The following CDH18 variants were observed in gnomAD, a reference collection of about 807,000 sequenced individuals.
The protein encoded by CDH18 is cadherin 18, also known as cadherin-18.
CDH18 carries 31 observed loss-of-function variants against 67.9 expected under a neutral mutation model. The observed-to-expected ratio is 0.46, with a 90% CI of 0.34 to 0.62. The LOEUF is 0.62. CDH18 is among the 20% of genes least tolerant of loss of function. The pLI, the probability that CDH18 is intolerant of heterozygous loss-of-function variation, is 0.01. For synonymous variants in CDH18, 362 were observed against 347.2 expected (o/e 1.04, Z -0.48); for missense variants, 890 against 975.5 (o/e 0.91, Z 1.17).
In CDH18 at chr5:20,420,635, G is replaced by T. The variant is rs1240912183; in HGVS notation, c.-580+154827C>A. 6.6e-5 allele frequency among the ~76,000 whole-genome samples: 10 copies of T among 150,898 alleles called. 1 individual carries two copies. The highest frequency in any genetic ancestry group is 1.7e-4 in the African/African-American group (7 of 40,376). On this transcript the variant is annotated intron_variant, in intron 1 of 14. Coordinates refer to the CDH18 transcript ENST00000507958. ...TAAAGTTTCAAAAGACATAAATAAG[G>T]TCTTTTGTATTTTGCCCTAGTCCTA...
chr5:20,055,990 C>CTTTTTTTTT (rs34736791), intron 2 of CDH18, among the ~76,000 whole-genome samples: 19 of 73,806 alleles, frequency 2.6e-4, no homozygotes, highest in East Asian at 4.0e-4. Flanking sequence ...TTTTGGTTTC[C>CTTTTTTTTT]TTTTTTTTTT....
intron 2 of CDH18, among the ~76,000 whole-genome samples, chr5:20,230,253 AATCACATATGTGGTC>A (rs2126496643): frequency 6.6e-6 from 1 of 152,264 alleles, no homozygotes; most frequent in East Asian, 1.9e-4. Context: ...GGAATCAGGG[AATCACATATGTGGTC>A]ATCCACTAAG....
At position 20,041,787 on chromosome 5, in the gene CDH18, T is replaced by G. The variant is rs143695245; in HGVS notation, c.-517-49773A>C. Among the ~76,000 whole-genome samples the G allele has an allele frequency of 7.7e-3, 1,176 of 152,312 alleles. 21 individuals carry two copies. The highest frequency in any genetic ancestry group is 0.027 in the African/African-American group (1,116 of 41,572). On this transcript the variant is annotated intron_variant, in intron 2 of 14. Coordinates refer to the CDH18 transcript ENST00000507958. ...ATATTCTTTCTGATGAGTCAGCAGT[T>G]GCAATGCCAGTACATTAAACAGCAT...
chr5:20,132,372 T>C (rs1357476630), intron 2 of CDH18, among the ~76,000 whole-genome samples: 1 of 152,164 alleles, frequency 6.6e-6, no homozygotes, highest in Non-Finnish European at 1.5e-5. Flanking sequence ...TTCCTATATT[T>C]ATCAGTTTTC....
chr5:20,224,018 T>C (rs1741423765), intron 2 of CDH18, among the ~76,000 whole-genome samples: 1 of 152,184 alleles, frequency 6.6e-6, no homozygotes, highest in African/African-American at 2.4e-5. Context: ...GAATTGCTTC[T>C]CTTTTTATAT....
chr5:20,065,749 T>C (rs924691352), intron 2 of CDH18, among the ~76,000 whole-genome samples: 16 of 152,122 alleles, frequency 1.1e-4, no homozygotes, highest in Admixed American at 9.2e-4. Context: ...AATATTTGTA[T>C]AGGTATCAAA....
chr5:19,992,633 C>T (rs1164667126), upstream of CDH18, among the ~76,000 whole-genome samples: 4 of 151,942 alleles, frequency 2.6e-5, no homozygotes, highest in East Asian at 2.0e-4. Flanking sequence ...CTTATTAAAG[C>T]GATGAACAGA....
intron 2 of CDH18, among the ~76,000 whole-genome samples, chr5:20,044,786 C>T (rs1740766415): frequency 6.6e-6 from 1 of 152,124 alleles, no homozygotes; most frequent in African/African-American, 2.4e-5. Context: ...CTCTATGTTC[C>T]AGGTTTCCTT....
chr5:19,722,295 C>A (rs1049481651), intron 4 of CDH18, among the ~76,000 whole-genome samples: 6 of 151,884 alleles, frequency 4.0e-5, no homozygotes, highest in Non-Finnish European at 8.8e-5. Flanking sequence ...CTCTGGTGAT[C>A]CGCCCCGCTC....
At chr5:19,689,350 C>T (rs1326566703) in intron 5 of CDH18, among the ~76,000 whole-genome samples, 1 of 151,458 alleles carries the variant, frequency 6.6e-6, no homozygotes, top group African/African-American at 2.4e-5. Context: ...TCTTACAGGC[C>T]AGGAGAGTAT....
chr5:20,066,326 T>C (rs1428296581), intron 2 of CDH18, among the ~76,000 whole-genome samples: 2 of 152,114 alleles, frequency 1.3e-5, no homozygotes, highest in Non-Finnish European at 2.9e-5. Context: ...CTGATCTTGA[T>C]ACCAGAAAAA....
intron 1 of CDH18, among the ~76,000 whole-genome samples, chr5:20,559,041 C>T (rs78761679): frequency 0.038 from 5,646 of 150,430 alleles, 137 homozygotes; most frequent in Middle Eastern, 0.13. Context: ...CATTGCTTAC[C>T]GGCAGACTAG....
intron 7 of CDH18, among the ~76,000 whole-genome samples, chr5:19,590,488 A>G (rs1311117011): frequency 6.7e-6 from 1 of 149,484 alleles, no homozygotes; most frequent in African/African-American, 2.4e-5. Context: ...ACAGATGGAT[A>G]GATAGATAGA....
intron 5 of CDH18, among the ~76,000 whole-genome samples, chr5:19,657,342 T>A (rs1756544644): frequency 6.6e-6 from 1 of 152,010 alleles, no homozygotes; most frequent in Non-Finnish European, 1.5e-5. Context: ...AATATAAAAG[T>A]TTTTCAGTAA....
chr5:20,144,378 G>A (rs1307896574), intron 2 of CDH18, among the ~76,000 whole-genome samples: 1 of 152,102 alleles, frequency 6.6e-6, no homozygotes, highest in African/African-American at 2.4e-5. Context: ...TTTGGGATAG[G>A]CAACTCTTAC....
chr5:19,892,158 T>C (rs1402803955), intron 2 of CDH18, among the ~76,000 whole-genome samples: 2 of 152,178 alleles, frequency 1.3e-5, no homozygotes, highest in Non-Finnish European at 2.9e-5. Context: ...GGTTTAACTC[T>C]ATTGCAAATA....
At chr5:19,985,125 T>C (rs1540751) in intron 1 of CDH18, among the ~76,000 whole-genome samples, 85,913 of 151,892 alleles carry the variant, frequency 0.57, 24,463 homozygotes, top group Middle Eastern at 0.72. Context: ...TTCATTTCCT[T>C]TTGTCCCAAA....
At chr5:20,430,857 A>G (rs67819403) in intron 1 of CDH18, among the ~76,000 whole-genome samples, 33,481 of 152,042 alleles carry the variant, frequency 0.22, 3,847 homozygotes, top group East Asian at 0.3. Context: ...TAATAACATA[A>G]TACATTCATC....
At chr5:20,002,733 GCTATTGAGATTAC>G in intron 2 of CDH18, among the ~76,000 whole-genome samples, 1 of 152,228 alleles carries the variant, frequency 6.6e-6, no homozygotes, top group South Asian at 2.1e-4. Flanking sequence ...AACATCTTGT[GCTATTGAGATTAC>G]CTACTTCTCT....
Sources: allele counts gnomAD v4.1 joint callset (sites outside exome capture counted in the v4.1 genomes callset), GRCh38; gene constraint gnomAD v4.1.1; transcripts MANE v1.5; gene names NCBI Gene and HGNC (gene_info 2026-07-23, HGNC 2026-07-21).